Variants in GPC5 observed in about 807,000 individuals in gnomAD.
GPC5 encodes glypican-5.
Under a neutral mutation model 53.9 loss-of-function variants are expected in GPC5, and 47 were observed. That is an observed-to-expected ratio of 0.87 (90% CI 0.69 to 1.11). The LOEUF (loss-of-function observed/expected upper bound fraction) is 1.11. GPC5 is among the 50% of genes most tolerant of loss of function. The pLI, the probability that GPC5 is intolerant of heterozygous loss-of-function variation, is 0.00. For missense variants in GPC5, 748 were observed against 713.1 expected (o/e 1.05, Z -0.56); for synonymous variants, 286 against 263.3 (o/e 1.09, Z -0.84).
At chr13:91,637,635 C>T (rs1409670377) in intron 2 of GPC5, among the ~76,000 whole-genome samples, 2 of 152,208 alleles carry the variant, frequency 1.3e-5, no homozygotes, top group East Asian at 3.9e-4. Flanking sequence ...AGCTGGGAAA[C>T]CCTGATACAG....
At chr13:91,896,838 A>C (rs2039447236) in intron 5 of GPC5, among the ~76,000 whole-genome samples, 1 of 152,172 alleles carries the variant, frequency 6.6e-6, no homozygotes, top group African/African-American at 2.4e-5. Context: ...TGTGTAACTG[A>C]GTTTGCCAAG....
intron 7 of GPC5, among the ~76,000 whole-genome samples, chr13:92,638,283 A>G (rs1885476210): frequency 6.6e-6 from 1 of 152,146 alleles, no homozygotes; most frequent in African/African-American, 2.4e-5. Flanking sequence ...CATTGCTTTG[A>G]GACAAGTCTA....
intron 6 of GPC5, among the ~76,000 whole-genome samples, chr13:92,076,740 C>T (rs1244840463): frequency 6.6e-6 from 1 of 152,018 alleles, no homozygotes; most frequent in African/African-American, 2.4e-5. Context: ...AAAAGTTTAC[C>T]CCAAAAGCAA....
At chr13:92,163,308 G>A (rs1346240856) in intron 7 of GPC5, among the ~76,000 whole-genome samples, 3 of 151,734 alleles carry the variant, frequency 2.0e-5, no homozygotes, top group African/African-American at 4.8e-5. Context: ...TAAAAATACA[G>A]ACCTCAGCCA....
intron 6 of GPC5, among the ~76,000 whole-genome samples, chr13:91,944,053 A>AT (rs2039952617): frequency 6.6e-6 from 1 of 151,496 alleles, no homozygotes; most frequent in Non-Finnish European, 1.5e-5. Flanking sequence ...GAACTATTTG[A>AT]TTTTGATTTT....
At chr13:91,586,933 T>G (rs2032619701) in intron 2 of GPC5, among the ~76,000 whole-genome samples, 1 of 152,154 alleles carries the variant, frequency 6.6e-6, no homozygotes, top group Admixed American at 6.6e-5. Flanking sequence ...AAATTTGGGG[T>G]AACAGGCTAG....
chr13:92,616,656 A>T (rs74687636), intron 7 of GPC5, among the ~76,000 whole-genome samples: 4,136 of 152,324 alleles, frequency 0.027, 196 homozygotes, highest in African/African-American at 0.094. Flanking sequence ...GGACATATTT[A>T]TACAAAGGAT....
chr13:92,512,601 T>C (rs901156132), intron 7 of GPC5, among the ~76,000 whole-genome samples: 1 of 152,208 alleles, frequency 6.6e-6, no homozygotes, highest in Non-Finnish European at 1.5e-5. Context: ...TGTTACTTTT[T>C]CACCTATTTC....
At chr13:92,427,439 G>A (rs753254979) in intron 7 of GPC5, among the ~76,000 whole-genome samples, 31 of 148,812 alleles carry the variant, frequency 2.1e-4, no homozygotes, top group Non-Finnish European at 4.0e-4. Context: ...AACTTAGCTC[G>A]GATATAAAAT....
chr13:92,356,498 G>T (rs1594128772), intron 7 of GPC5, among the ~76,000 whole-genome samples: 2 of 152,308 alleles, frequency 1.3e-5, no homozygotes, highest in Non-Finnish European at 1.5e-5. Flanking sequence ...TCTTAGACCA[G>T]ACCCCTTACT....
chr13:92,381,889 T>TGATATATATCATATATATGA (rs753025655), intron 7 of GPC5, among the ~76,000 whole-genome samples: 3 of 122,178 alleles, frequency 2.5e-5, no homozygotes, highest in African/African-American at 6.2e-5. Flanking sequence ...ATTATATATA[T>TGATATATATCATATATATGA]TATATATAAT....
intron 7 of GPC5, among the ~76,000 whole-genome samples, chr13:92,321,408 A>G (rs1389162777): frequency 6.6e-6 from 1 of 152,198 alleles, no homozygotes; most frequent in Non-Finnish European, 1.5e-5. Flanking sequence ...CCTGGCCAAC[A>G]TCGTGAAACC....
chr13:92,185,053 T>C (rs1014794460), intron 7 of GPC5, among the ~76,000 whole-genome samples: 1 of 152,136 alleles, frequency 6.6e-6, no homozygotes, highest in African/African-American at 2.4e-5. Flanking sequence ...GCACCTGCAA[T>C]AGGACAGAAT....
At position 92,103,905 on chromosome 13, in the gene GPC5, C is replaced by A. The variant is rs533936465; in HGVS notation, c.1402-40925C>A. Among the ~76,000 whole-genome samples, 3 of 152,216 alleles carry A rather than the reference C, an allele frequency of 2.0e-5. No homozygotes were observed. In the South Asian group the frequency reaches 6.2e-4, roughly 32 times the overall value. ...TGCGATTCCCAGGAACGTAGTGGGG[C>A]TTTTCAAAGCCCCACATGGACATCT... is the stretch of plus-strand genomic sequence containing the variant. On this transcript the variant is annotated intron_variant, in intron 6 of 7. Coordinates refer to ENST00000377067, the MANE Select transcript of GPC5 (RefSeq NM_004466.6).
At chr13:92,172,082 C>T (rs1403414828) in intron 7 of GPC5, among the ~76,000 whole-genome samples, 1 of 152,144 alleles carries the variant, frequency 6.6e-6, no homozygotes, top group South Asian at 2.1e-4. Flanking sequence ...GTAGTATTGC[C>T]AGCTCTAAGA....
At chr13:92,853,413 C>G (rs1356282386) in intron 7 of GPC5, among the ~76,000 whole-genome samples, 2 of 152,080 alleles carry the variant, frequency 1.3e-5, no homozygotes, top group African/African-American at 4.8e-5. Flanking sequence ...GTATGTATAT[C>G]TAGGAAGATA....
At chr13:92,300,982 T>C (rs1298270044) in intron 7 of GPC5, among the ~76,000 whole-genome samples, 1 of 152,214 alleles carries the variant, frequency 6.6e-6, no homozygotes, top group African/African-American at 2.4e-5. Flanking sequence ...GAATTGTCAA[T>C]GAAATTTCAA....
intron 7 of GPC5, among the ~76,000 whole-genome samples, chr13:92,276,629 T>G (rs570088657): frequency 3.3e-5 from 5 of 152,218 alleles, no homozygotes; most frequent in Admixed American, 3.3e-4. Flanking sequence ...TTTATTACAT[T>G]GTTATTATTT....
At chr13:91,691,897 C>T (rs982638556) in intron 2 of GPC5, among the ~76,000 whole-genome samples, 19 of 151,984 alleles carry the variant, frequency 1.3e-4, no homozygotes, top group Non-Finnish European at 1.3e-4. Context: ...AGTGACTATA[C>T]GGTTGGGACT....
Sources: gnomAD v4.1 joint callset for allele counts (sites outside exome capture counted in the v4.1 genomes callset) on GRCh38, gnomAD v4.1.1 for gene constraint, MANE v1.5 for transcripts, NCBI Gene and HGNC (gene_info 2026-07-23, HGNC 2026-07-21) for gene names.